Variants in RGS7BP observed in about 807,000 individuals in gnomAD.
The protein encoded by RGS7BP is regulator of G protein signaling 7-binding protein.
RGS7BP carries 9 observed loss-of-function variants against 31.3 expected under a neutral mutation model. The observed-to-expected ratio is 0.29, with a 90% CI of 0.17 to 0.50. The LOEUF is 0.50. RGS7BP is among the 20% of genes least tolerant of loss of function. The probability of loss-of-function intolerance (pLI) is 0.98; values close to 1 mark genes in which losing one functional copy is unlikely to be tolerated. For synonymous variants in RGS7BP, 115 were observed against 120.1 expected, an observed-to-expected ratio of 0.96 and a Z score of 0.28; for missense variants, 274 against 322.0, an observed-to-expected ratio of 0.85 and a Z score of 1.14.
In RGS7BP at chr5:64,609,289, A is replaced by G; in HGVS notation, c.*37A>G. The stretch of plus-strand genomic sequence containing the variant: ...TGGAAACCCACTGAGAACATCTGAA[A>G]AAAAATCACAAAACCCGAGGACCTC... On this transcript the variant is annotated 3_prime_UTR_variant, in exon 6 of 6. Transcript: ENST00000334025. The G allele has an allele frequency of 1.6e-6, 2 of 1,216,682 alleles. No individual in the cohort carries two copies. Among genetic ancestry groups the G allele is most frequent in the Non-Finnish European group, 2.4e-6 (2 of 817,448 alleles). The allele number at this position is 1,216,682 out of a possible 1,614,324, so 75.4% of individuals were successfully genotyped here.
At chr5:64,516,233 G>A (rs917392587) in intron 2 of RGS7BP, among the ~76,000 whole-genome samples, 3 of 152,168 alleles carry the variant, frequency 2.0e-5, no homozygotes, top group African/African-American at 7.2e-5. Context: ...AGCACAAGGG[G>A]AAATATATAC....
chr5:64,572,527 C>T (rs1284329041), intron 2 of RGS7BP, among the ~76,000 whole-genome samples: 1 of 152,098 alleles, frequency 6.6e-6, no homozygotes, highest in Non-Finnish European at 1.5e-5. Flanking sequence ...TTAGCTTTTC[C>T]ACTTTTCTTT....
Position 64,506,179 on chromosome 5 carries a change from A to C in RGS7BP, c.-446A>C. ...AGACGAACCGAGTGCCGCTGCGGGA[A>C]GACACTGAAGCAAGAGCGACACCCC... On this transcript the variant is annotated 5_prime_UTR_variant, in exon 1 of 6. Coordinates refer to ENST00000334025, the MANE Select transcript of RGS7BP (RefSeq NM_001029875.3). This position sits in a 1 kb window ranked among gnomAD's most constrained non-coding sequence, Gnocchi z 4.6. 1 of 153,846 alleles carries C rather than the reference A, an allele frequency of 6.5e-6. No homozygotes were observed. 9.5% of individuals were successfully genotyped at this position (153,846 alleles called of 1,614,324 possible). A position where few individuals can be genotyped will look rare whatever the true frequency, so the allele number is the denominator to read the frequency against.
intron 2 of RGS7BP, among the ~76,000 whole-genome samples, chr5:64,526,836 T>C (rs755823706): frequency 3.3e-5 from 5 of 152,116 alleles, no homozygotes; most frequent in Non-Finnish European, 5.9e-5. Context: ...TGTGAGCTAA[T>C]GCTAAAGGGC....
chr5:64,571,340 C>G (rs1243239503), intron 2 of RGS7BP, among the ~76,000 whole-genome samples: 2 of 152,248 alleles, frequency 1.3e-5, no homozygotes, highest in African/African-American at 4.8e-5. Flanking sequence ...GACACCTGGG[C>G]TGTTTCCACT....
At chr5:64,528,896 T>C (rs1749302655) in intron 2 of RGS7BP, among the ~76,000 whole-genome samples, 1 of 150,382 alleles carries the variant, frequency 6.6e-6, no homozygotes, top group East Asian at 1.9e-4. Context: ...AATTAAATGA[T>C]GTGATATAGG....
In RGS7BP at chr5:64,526,113, C is replaced by T. The variant is rs770705414; in HGVS notation, c.332+18236C>T. Among the ~76,000 whole-genome samples the T allele has an allele frequency of 3.9e-5, 6 of 152,112 alleles. No individual in the cohort carries two copies. The South Asian group carries it at 1.0e-3, about 26-fold the overall frequency. On this transcript the variant is annotated intron_variant, in intron 2 of 5. Transcript: ENST00000334025. ...GAAGGCTTTATTATATTACGGGTGA[C>T]GTCAGCCAGAGAGACGAGAGCCAGA...
At chr5:64,521,885 G>A (rs1393447814) in intron 2 of RGS7BP, among the ~76,000 whole-genome samples, 2 of 152,176 alleles carry the variant, frequency 1.3e-5, no homozygotes, top group Non-Finnish European at 2.9e-5. Flanking sequence ...AAATGTGGGT[G>A]GGAAGAAATG....
Position 64,575,575 on chromosome 5 carries a change from T to C in RGS7BP, c.333-199T>C, listed in dbSNP as rs887638189. Reference sequence around the variant, plus strand: ...ACTCTGCTGCTGAAGGGGAAAAAAATTAAGAACTGTTAGTCAGAAAGAGAC... The same window carrying C: ...ACTCTGCTGCTGAAGGGGAAAAAAACTAAGAACTGTTAGTCAGAAAGAGAC... On this transcript the variant is annotated intron_variant, in intron 2 of 5. Transcript: ENST00000334025. 4.0e-6 allele frequency: 4 copies of C among 992,658 alleles called. No homozygotes were observed. In the African/African-American group the frequency reaches 6.7e-5, roughly 17 times the overall value. 61.5% of individuals were successfully genotyped at this position (992,658 alleles called of 1,614,324 possible).
intron 2 of RGS7BP, among the ~76,000 whole-genome samples, chr5:64,552,774 G>T (rs924214974): frequency 1.3e-5 from 2 of 152,214 alleles, no homozygotes; most frequent in South Asian, 2.1e-4. Context: ...ACAGGGTCTT[G>T]CTATGTTGCC....
chr5:64,594,896 C>T (rs1260044019), intron 4 of RGS7BP, 39 bp downstream of exon 4: 1 of 1,603,938 alleles, frequency 6.2e-7, no homozygotes, highest in Non-Finnish European at 8.5e-7. Flanking sequence ...GCCAATCCTC[C>T]TCCCGTTAAT....
intron 2 of RGS7BP, among the ~76,000 whole-genome samples, chr5:64,528,022 T>A (rs1317382973): frequency 6.6e-6 from 1 of 152,226 alleles, no homozygotes; most frequent in Admixed American, 6.5e-5. Context: ...TCTCCATAGG[T>A]AGAGCTTTAG....
In RGS7BP at chr5:64,556,360, G is replaced by T. The variant is rs1363020982; in HGVS notation, c.333-19414G>T. Among the ~76,000 whole-genome samples the T allele has an allele frequency of 8.9e-5, 7 of 78,368 alleles. 1 individual carries two copies. The highest frequency in any genetic ancestry group is 3.0e-4 in the African/African-American group (7 of 23,324). 51.4% of individuals were successfully genotyped at this position (78,368 alleles called of 152,430 possible). A position where few individuals can be genotyped will look rare whatever the true frequency, so the allele number is the denominator to read the frequency against. ...TTTAAAGTGGAAATGATTTAAAGTG[G>T]AAAAATGTTTATGATATCGTGATAA... On this transcript the variant is annotated intron_variant, in intron 2 of 5. Coordinates refer to ENST00000334025, the MANE Select transcript of RGS7BP (RefSeq NM_001029875.3).
intron 2 of RGS7BP, 95 bp from the exon 3 acceptor site, chr5:64,575,679 T>G (rs1742399745): frequency 2.0e-6 from 3 of 1,480,924 alleles, no homozygotes; most frequent in Non-Finnish European, 2.7e-6. Context: ...TTAAGGAATC[T>G]TTATTGAGCA....
At chr5:64,560,577 T>C (rs1456922594) in intron 2 of RGS7BP, among the ~76,000 whole-genome samples, 2 of 151,206 alleles carry the variant, frequency 1.3e-5, no homozygotes, top group Admixed American at 6.6e-5. Flanking sequence ...TATCAACAAG[T>C]ACATATTGTA....
chr5:64,563,648 C>G (rs988309153), intron 2 of RGS7BP, among the ~76,000 whole-genome samples: 20 of 152,136 alleles, frequency 1.3e-4, no homozygotes, highest in Non-Finnish European at 2.2e-4. Flanking sequence ...ACCCTGCTGA[C>G]ACCTTCATCT....
intron 2 of RGS7BP, among the ~76,000 whole-genome samples, chr5:64,532,870 T>C (rs1184406273): frequency 6.6e-6 from 1 of 152,168 alleles, no homozygotes; most frequent in Non-Finnish European, 1.5e-5. Flanking sequence ...TGCTGCAGCC[T>C]GAATCCCTAG....
rs1748675523 is a variant in RGS7BP at position 64,506,317 on chromosome 5, G to T, written c.-308G>T. 3.6e-6 allele frequency: 1 copy of T among 274,146 alleles called. No individual in the cohort carries two copies. The highest frequency in any genetic ancestry group is 6.8e-6 in the Non-Finnish European group (1 of 147,218). 17.0% of individuals were successfully genotyped at this position (274,146 alleles called of 1,614,324 possible). ...CTCGCCCAGCCTTGCAATCCATGCCGAGAGGAAGGCAGTGCGAGCCCGCGC... is the reference window on the plus strand; with the variant it reads ...CTCGCCCAGCCTTGCAATCCATGCCTAGAGGAAGGCAGTGCGAGCCCGCGC... On this transcript the variant is annotated 5_prime_UTR_variant, in exon 1 of 6. It introduces an in-frame stop codon into an upstream open reading frame of the 5' UTR. Coordinates refer to ENST00000334025, the MANE Select transcript of RGS7BP (RefSeq NM_001029875.3). The surrounding 1 kb of genome is among the most constrained non-coding windows in gnomAD (Gnocchi z 4.6).
chr5:64,572,915 C>T (rs1742332026), intron 2 of RGS7BP, among the ~76,000 whole-genome samples: 1 of 149,336 alleles, frequency 6.7e-6, no homozygotes, highest in African/African-American at 2.5e-5. Flanking sequence ...TGTGCTGCAC[C>T]CATTAACTCG....
Sources: allele counts gnomAD v4.1 joint callset (sites outside exome capture counted in the v4.1 genomes callset), GRCh38; gene constraint gnomAD v4.1.1; non-coding constraint Gnocchi (gnomAD v3.1); transcripts MANE v1.5; gene names NCBI Gene and HGNC (gene_info 2026-07-23, HGNC 2026-07-21).